THRB: variants seen among roughly 807,000 people sequenced by gnomAD.
The protein encoded by THRB is thyroid hormone receptor beta, also known as nuclear receptor subfamily 1 group A member 2.
THRB carries 12 observed loss-of-function variants against 47.8 expected under a neutral mutation model. That is an observed-to-expected ratio of 0.25 (90% CI 0.16 to 0.41). The LOEUF is 0.41. THRB is among the 10% of genes least tolerant of loss of function. The pLI is 1.00. For synonymous variants in THRB, 218 were observed against 212.2 expected (o/e 1.03, Z -0.24); for missense variants, 348 against 589.2 (o/e 0.59, Z 4.24).
At chr3:24,184,998 A>C (rs1308261811) in intron 5 of THRB, among the ~76,000 whole-genome samples, 2 of 152,202 alleles carry the variant, frequency 1.3e-5, no homozygotes, top group East Asian at 1.9e-4. Flanking sequence ...CCAACTTTTA[A>C]GACACTTTGT....
chr3:24,363,375 T>C (rs1195719095), intron 1 of THRB, among the ~76,000 whole-genome samples: 2 of 152,140 alleles, frequency 1.3e-5, no homozygotes, highest in Non-Finnish European at 2.9e-5. Flanking sequence ...CATCCAAGAA[T>C]AAATCAGATA....
intron 1 of THRB, among the ~76,000 whole-genome samples, chr3:24,347,323 T>C (rs1183492952): frequency 1.3e-5 from 2 of 151,894 alleles, no homozygotes; most frequent in Non-Finnish European, 2.9e-5. Flanking sequence ...CAGTCAATGA[T>C]TTAAGTATCC....
At chr3:24,307,171 T>A (rs909741500) in intron 2 of THRB, among the ~76,000 whole-genome samples, 5 of 152,076 alleles carry the variant, frequency 3.3e-5, no homozygotes, top group African/African-American at 1.2e-4. Flanking sequence ...CACAGTGCCA[T>A]GTGTATGCTG....
intron 3 of THRB, among the ~76,000 whole-genome samples, chr3:24,256,763 G>A (rs772769733): frequency 1.4e-5 from 2 of 145,758 alleles, no homozygotes; most frequent in South Asian, 2.1e-4. Flanking sequence ...TTCTCTGAAG[G>A]AGAAGGTGAG....
At chr3:24,141,675 G>A (rs1266259265) in intron 8 of THRB, among the ~76,000 whole-genome samples, 1 of 152,196 alleles carries the variant, frequency 6.6e-6, no homozygotes, top group African/African-American at 2.4e-5. Flanking sequence ...ACTTAAACAA[G>A]TTTAGTTGGA....
intron 1 of THRB, among the ~76,000 whole-genome samples, chr3:24,445,557 G>C (rs1485421764): frequency 6.6e-6 from 1 of 152,024 alleles, no homozygotes; most frequent in African/African-American, 2.4e-5. Flanking sequence ...AGATCAACAA[G>C]TTACCAAAAA....
intron 1 of THRB, among the ~76,000 whole-genome samples, chr3:24,387,088 T>A (rs1454010399): frequency 6.6e-6 from 1 of 152,150 alleles, no homozygotes; most frequent in Non-Finnish European, 1.5e-5. Context: ...CATATAATAA[T>A]TGTCAAACTG....
At position 24,431,338 on chromosome 3, in the gene THRB, G is replaced by A. The variant is rs1216577090; in HGVS notation, c.-261+63314C>T. Among the ~76,000 whole-genome samples, 5 of 151,014 alleles carry A rather than the reference G, an allele frequency of 3.3e-5. No individual in the cohort carries two copies. In the East Asian group the frequency reaches 9.8e-4, roughly 29 times the overall value. ...ATGAATCAAAAGAGAAGTGGGTGAA[G>A]ACATGAACAGTATTTAACCAAAAAA... On this transcript the variant is annotated intron_variant, in intron 1 of 10. Coordinates refer to ENST00000646209, the MANE Select transcript of THRB (RefSeq NM_001354712.2).
chr3:24,299,064 A>C (rs962407755), intron 2 of THRB, among the ~76,000 whole-genome samples: 1 of 151,796 alleles, frequency 6.6e-6, no homozygotes, highest in East Asian at 1.9e-4. Context: ...TGGCTAACAC[A>C]GTGAAACCCC....
At chr3:24,304,980 A>T (rs77008554) in intron 2 of THRB, among the ~76,000 whole-genome samples, 2,821 of 152,326 alleles carry the variant, frequency 0.019, 90 homozygotes, top group African/African-American at 0.064. Context: ...AGAGACAGAA[A>T]TGGTGATTAA....
In THRB at chr3:24,491,190, G is replaced by A. The variant is rs146029248; in HGVS notation, c.-261+3462C>T. ...TCTAAAGCAGTAAGCACTTAGGATT[G>A]TAGTTTAATTATCTTCCCTCCTCTA... On this transcript the variant is annotated intron_variant, in intron 1 of 10. Coordinates refer to ENST00000646209, the MANE Select transcript of THRB (RefSeq NM_001354712.2). Among the ~76,000 whole-genome samples, 71 of 152,204 alleles carry A rather than the reference G, an allele frequency of 4.7e-4. 2 individuals carry two copies. In the East Asian group the frequency reaches 0.013, roughly 29 times the overall value.
chr3:24,306,993 T>C (rs1414669274), intron 2 of THRB, among the ~76,000 whole-genome samples: 2 of 152,032 alleles, frequency 1.3e-5, no homozygotes, highest in Non-Finnish European at 2.9e-5. Flanking sequence ...TCATTCTTTT[T>C]TTCTCAAAAT....
chr3:24,371,663 C>T (rs753014143), intron 1 of THRB, among the ~76,000 whole-genome samples: 12 of 151,994 alleles, frequency 7.9e-5, no homozygotes, highest in Admixed American at 4.6e-4. Flanking sequence ...AGTTTCAGCT[C>T]CTCATGTGTG....
chr3:24,468,563 G>C (rs965973111), intron 1 of THRB, among the ~76,000 whole-genome samples: 8 of 152,198 alleles, frequency 5.3e-5, no homozygotes, highest in Non-Finnish European at 1.2e-4. Flanking sequence ...CTACATTGCT[G>C]TTTCTCAGGG....
chr3:24,387,891 C>A (rs891050767), intron 1 of THRB, among the ~76,000 whole-genome samples: 2 of 151,638 alleles, frequency 1.3e-5, no homozygotes. Context: ...CAGGATGGGA[C>A]CAGGAGAAAC....
chr3:24,231,326 A>G (rs957212707), intron 3 of THRB, among the ~76,000 whole-genome samples: 1 of 152,188 alleles, frequency 6.6e-6, no homozygotes, highest in Non-Finnish European at 1.5e-5. Flanking sequence ...CAAAATTCCA[A>G]TTGAATAGGC....
At chr3:24,288,148 G>A (rs540935741) in intron 3 of THRB, among the ~76,000 whole-genome samples, 1 of 152,302 alleles carries the variant, frequency 6.6e-6, no homozygotes, top group South Asian at 2.1e-4. Flanking sequence ...CCAAGTGGCC[G>A]GAGCAGGACA....
At chr3:24,128,079 C>T (rs2148838712) in intron 9 of THRB, among the ~76,000 whole-genome samples, 1 of 152,308 alleles carries the variant, frequency 6.6e-6, no homozygotes, top group Admixed American at 6.5e-5. Context: ...TGTATTATAA[C>T]TTCAACTGAT....
intron 6 of THRB, among the ~76,000 whole-genome samples, chr3:24,148,504 C>T (rs779264950): frequency 6.6e-5 from 10 of 152,280 alleles, no homozygotes; most frequent in East Asian, 1.9e-4. Context: ...TCAAGTGATC[C>T]GTCTGCCTCC....
Sources: gnomAD v4.1 joint callset for allele counts (sites outside exome capture counted in the v4.1 genomes callset) on GRCh38, gnomAD v4.1.1 for gene constraint, MANE v1.5 for transcripts, NCBI Gene and HGNC (gene_info 2026-07-23, HGNC 2026-07-21) for gene names.